Variants in PPP6C observed in about 807,000 individuals in gnomAD.
The protein encoded by PPP6C is serine/threonine-protein phosphatase 6 catalytic subunit.
Under a neutral mutation model 39.8 loss-of-function variants are expected in PPP6C, and 11 were observed. The ratio of observed to expected loss-of-function variants is 0.28; its 90% CI spans 0.17 to 0.46. The LOEUF is 0.46. PPP6C is among the 20% of genes least tolerant of loss of function. The pLI, the probability that PPP6C is intolerant of heterozygous loss-of-function variation, is 1.00. For missense variants in PPP6C, 211 were observed against 373.9 expected, an observed-to-expected ratio of 0.56 and a Z score of 3.59; for synonymous variants, 129 against 130.3, an observed-to-expected ratio of 0.99 and a Z score of 0.07.
chr9:125,180,863 C>T (rs1829407053), intron 1 of PPP6C, among the ~76,000 whole-genome samples: 1 of 152,196 alleles, frequency 6.6e-6, no homozygotes, highest in Non-Finnish European at 1.5e-5. Flanking sequence ...GGACTATAAA[C>T]TGAAGAACAT....
chr9:125,158,913 G>A (rs918239877), intron 3 of PPP6C, among the ~76,000 whole-genome samples: 1 of 151,434 alleles, frequency 6.6e-6, no homozygotes, highest in Non-Finnish European at 1.5e-5. Flanking sequence ...ATCCACCCAC[G>A]TTGGCCTCCC....
chr9:125,151,098 G>C, intron 6 of PPP6C: 1 of 1,346,326 alleles, frequency 7.4e-7, no homozygotes, highest in East Asian at 2.3e-5. Flanking sequence ...CAGGTGTCCT[G>C]AAGTGGATAA....
At position 125,148,871 on chromosome 9, in the gene PPP6C, T is replaced by C. The variant is rs1208515387; in HGVS notation, c.*802A>G. On this transcript the variant is annotated 3_prime_UTR_variant, in exon 7 of 7. Transcript: ENST00000373547. ...TGATTTTTTTCAAAAATAAATACTA[T>C]TGAATTTCAATTGAAGTTTTAAACT... 6.6e-6 allele frequency: 1 copy of C among 152,170 alleles called. No homozygotes were observed. The highest frequency in any genetic ancestry group is 1.5e-5 in the Non-Finnish European group (1 of 68,024). 9.4% of individuals were successfully genotyped at this position (152,170 alleles called of 1,614,324 possible). A position where few individuals can be genotyped will look rare whatever the true frequency, so the allele number is the denominator to read the frequency against.
At chr9:125,172,744 CACACACAA>C (rs1487330727) in intron 1 of PPP6C, among the ~76,000 whole-genome samples, 42 of 141,612 alleles carry the variant, frequency 3.0e-4, no homozygotes, top group African/African-American at 1.3e-3. Flanking sequence ...CACACACACA[CACACACAA>C]ACACACACAC....
intron 6 of PPP6C, 70 bp from the exon 7 acceptor site, chr9:125,149,991 AAAATACC>A: frequency 1.3e-6 from 2 of 1,524,294 alleles, no homozygotes; most frequent in South Asian, 2.5e-5. Flanking sequence ...TCATTTAAAT[AAAATACC>A]AAATCCTATT....
chr9:125,160,261 T>C (rs1828829546), intron 3 of PPP6C, among the ~76,000 whole-genome samples: 1 of 152,192 alleles, frequency 6.6e-6, no homozygotes, highest in South Asian at 2.1e-4. Context: ...TTCTGGGTTA[T>C]TTTTTATGCC....
chr9:125,188,886 C>A, intron 1 of PPP6C: 8 of 1,528,940 alleles, frequency 5.2e-6, no homozygotes, highest in Non-Finnish European at 7.1e-6. Flanking sequence ...TACATTTACT[C>A]TTACTTGGAC....
chr9:125,188,178 G>A (rs920250417), intron 1 of PPP6C, among the ~76,000 whole-genome samples: 1 of 152,158 alleles, frequency 6.6e-6, no homozygotes, highest in African/African-American at 2.4e-5. Flanking sequence ...GAGTTCAGGA[G>A]ATCGAGACCA....
At chr9:125,172,021 C>A in intron 1 of PPP6C, 1 of 460,180 alleles carries the variant, frequency 2.2e-6, no homozygotes, top group Non-Finnish European at 4.4e-6. Flanking sequence ...AATCAGATAT[C>A]CTTCAATGAG....
chr9:125,156,752 T>G (rs1040401529), intron 4 of PPP6C, among the ~76,000 whole-genome samples: 3 of 147,276 alleles, frequency 2.0e-5, no homozygotes, highest in African/African-American at 7.5e-5. Flanking sequence ...TCGCTCTCTC[T>G]CTCTCTCTCT....
rs376463445 is a variant in PPP6C, at chr9:125,175,826, C to T, written c.76-4646G>A. Among the ~76,000 whole-genome samples the T allele has an allele frequency of 9.2e-5, 14 of 152,132 alleles. 1 individual carries two copies. In the South Asian group the frequency reaches 2.9e-3, roughly 32 times the overall value. On this transcript the variant is annotated intron_variant, in intron 1 of 6. Transcript: ENST00000373547. ...ATTTATGGAGTGCCTGGTATGTTACCAGGTATTGTTCTAGATACAAAGTAA... is the reference window on the plus strand; with the variant it reads ...ATTTATGGAGTGCCTGGTATGTTACTAGGTATTGTTCTAGATACAAAGTAA...
intron 1 of PPP6C, among the ~76,000 whole-genome samples, chr9:125,173,343 T>C (rs1474754845): frequency 6.9e-6 from 1 of 144,700 alleles, no homozygotes; most frequent in Non-Finnish European, 1.5e-5. Flanking sequence ...GAGGCAAAGG[T>C]TGCAGTGAGC....
intron 4 of PPP6C, among the ~76,000 whole-genome samples, chr9:125,156,825 T>G (rs1305073401): frequency 6.6e-6 from 1 of 151,654 alleles, no homozygotes; most frequent in Non-Finnish European, 1.5e-5. Context: ...CTTTTTTTCC[T>G]TTCTTGAGAC....
At chr9:125,159,043 T>G (rs1467032505) in intron 3 of PPP6C, among the ~76,000 whole-genome samples, 5 of 149,850 alleles carry the variant, frequency 3.3e-5, no homozygotes, top group African/African-American at 4.9e-5. Context: ...TAAGTTTTTT[T>G]TTTTTTTTTT....
intron 1 of PPP6C, among the ~76,000 whole-genome samples, chr9:125,176,292 T>C (rs1829295878): frequency 6.6e-6 from 1 of 152,218 alleles, no homozygotes; most frequent in South Asian, 2.1e-4. Flanking sequence ...CCTGGGCTTC[T>C]ACTGAGTGTA....
chr9:125,158,229 A>T lies in PPP6C; in HGVS notation c.379+12T>A. 1 of 1,588,284 alleles carries T rather than the reference A, an allele frequency of 6.3e-7. No individual in the cohort carries two copies. The highest frequency in any genetic ancestry group is 8.6e-7 in the Non-Finnish European group (1 of 1,161,390). On this transcript the variant is annotated intron_variant, in intron 4 of 6. Coordinates refer to ENST00000373547, the MANE Select transcript of PPP6C (RefSeq NM_002721.5). ...AAATAATATTCAGAATCAGAGAAAT[A>T]GGAATTCTTACCATAAAATCCATAG...
chr9:125,179,653 CTCT>C (rs1203200393), intron 1 of PPP6C, among the ~76,000 whole-genome samples: 8 of 142,430 alleles, frequency 5.6e-5, no homozygotes, highest in East Asian at 2.1e-4. Flanking sequence ...TTTTCTCTCT[CTCT>C]TTTTTTTTTT....
At chr9:125,176,475 G>A (rs1829300095) in intron 1 of PPP6C, among the ~76,000 whole-genome samples, 1 of 152,082 alleles carries the variant, frequency 6.6e-6, no homozygotes, top group Non-Finnish European at 1.5e-5. Flanking sequence ...GGGCAACAAT[G>A]GCAAAACCCA....
At chr9:125,189,283 G>T (rs1829608407) in intron 1 of PPP6C, among the ~76,000 whole-genome samples, 1 of 152,262 alleles carries the variant, frequency 6.6e-6, no homozygotes, top group South Asian at 2.1e-4. Flanking sequence ...CCATCCCGAG[G>T]GCACTGCCGC....
Sources: allele counts gnomAD v4.1 joint callset (sites outside exome capture counted in the v4.1 genomes callset), GRCh38; gene constraint gnomAD v4.1.1; transcripts MANE v1.5; gene names NCBI Gene and HGNC (gene_info 2026-07-23, HGNC 2026-07-21).